TBC1D5: variants seen among roughly 807,000 people sequenced by gnomAD.
TBC1D5 encodes the protein TBC1 domain family member 5.
A neutral mutation model predicts 100.3 loss-of-function variants in TBC1D5; 75 were observed. The ratio of observed to expected loss-of-function variants is 0.75; its 90% confidence interval spans 0.62 to 0.91. TBC1D5 has a LOEUF of 0.91. Ranked by LOEUF, TBC1D5 falls within the 40% of genes least tolerant of loss-of-function variation. TBC1D5 has a pLI of 0.00. For missense variants in TBC1D5, 910 were observed against 942.4 expected (o/e 0.97, Z 0.45); for synonymous variants, 323 against 325.6 (o/e 0.99, Z 0.09).
chr3:17,271,153 G>T (rs75741400), intron 15 of TBC1D5, among the ~76,000 whole-genome samples: 1 of 152,098 alleles, frequency 6.6e-6, no homozygotes, highest in Admixed American at 6.5e-5. Flanking sequence ...TCTGAAAAAT[G>T]GAATTGGGAA....
At chr3:17,299,890 C>G (rs1341154819) in intron 14 of TBC1D5, among the ~76,000 whole-genome samples, 1 of 133,044 alleles carries the variant, frequency 7.5e-6, no homozygotes, top group African/African-American at 2.8e-5. Flanking sequence ...AAAAAAGTAT[C>G]ATTCTGATGT....
At chr3:17,662,331 A>T (rs1187437435) in intron 1 of TBC1D5, among the ~76,000 whole-genome samples, 1 of 152,152 alleles carries the variant, frequency 6.6e-6, no homozygotes, top group South Asian at 2.1e-4. Context: ...TTTATCTCCT[A>T]ATTTTCATGG....
At chr3:17,725,391 T>G (rs2076039057) in intron 1 of TBC1D5, among the ~76,000 whole-genome samples, 1 of 142,838 alleles carries the variant, frequency 7.0e-6, no homozygotes. Flanking sequence ...GAAGAAGTAT[T>G]TTTTTTTTTT....
At chr3:17,625,932 CAT>C (rs375105163) in intron 1 of TBC1D5, among the ~76,000 whole-genome samples, 58 of 152,190 alleles carry the variant, frequency 3.8e-4, no homozygotes, top group Non-Finnish European at 5.2e-4. Flanking sequence ...AACTATTTCA[CAT>C]GAGTTTACGT....
chr3:17,476,737 G>C (rs1014234188), intron 3 of TBC1D5, among the ~76,000 whole-genome samples: 8 of 151,880 alleles, frequency 5.3e-5, no homozygotes, highest in Non-Finnish European at 1.0e-4. Flanking sequence ...ATCATGGTGT[G>C]TCCTCTATAT....
intron 2 of TBC1D5, among the ~76,000 whole-genome samples, chr3:17,598,806 TTG>T (rs1324876303): frequency 6.6e-6 from 1 of 152,224 alleles, no homozygotes; most frequent in Non-Finnish European, 1.5e-5. Flanking sequence ...TTTTCTGCTT[TTG>T]GCTTATCACT....
In TBC1D5 at chr3:17,356,738, A is replaced by G. The variant is rs2091247862; in HGVS notation, c.995+15337T>C. 2.6e-5 allele frequency among the ~76,000 whole-genome samples: 4 copies of G among 152,306 alleles called. No homozygotes were observed. In the South Asian group the frequency reaches 6.2e-4, roughly 24 times the overall value. ...AATCAGAGGCAAAGAGGCCAATCAT[A>G]TGTGGGTCAGAAAATGGCTGGGATC... is the stretch of plus-strand genomic sequence containing the variant. On this transcript the variant is annotated intron_variant, in intron 13 of 21. Coordinates refer to ENST00000253692, the Ensembl canonical transcript of TBC1D5.
At chr3:17,510,580 A>G (rs2095893149) in intron 2 of TBC1D5, among the ~76,000 whole-genome samples, 1 of 152,028 alleles carries the variant, frequency 6.6e-6, no homozygotes, top group Admixed American at 6.6e-5. Flanking sequence ...GGAGAATATA[A>G]TCTAGTAGAG....
At chr3:17,196,124 G>C (rs910108687) in intron 18 of TBC1D5, among the ~76,000 whole-genome samples, 1 of 152,134 alleles carries the variant, frequency 6.6e-6, no homozygotes, top group Non-Finnish European at 1.5e-5. Context: ...AGTGACAAGC[G>C]CCTGCAAGAG....
intron 3 of TBC1D5, among the ~76,000 whole-genome samples, chr3:17,496,960 C>T (rs1172563851): frequency 6.6e-6 from 1 of 152,062 alleles, no homozygotes; most frequent in African/African-American, 2.4e-5. Context: ...CCCCTGTCAC[C>T]CATGGTAGCC....
chr3:17,729,504 G>A (rs1156689484), intron 1 of TBC1D5, among the ~76,000 whole-genome samples: 3 of 151,532 alleles, frequency 2.0e-5, no homozygotes, highest in Non-Finnish European at 1.5e-5. Context: ...TCAGGAGATC[G>A]AGACCATCTT....
chr3:17,486,597 G>A (rs2095571938), intron 3 of TBC1D5, among the ~76,000 whole-genome samples: 1 of 152,134 alleles, frequency 6.6e-6, no homozygotes. Context: ...CAACAAATAA[G>A]CTGGCAAAAA....
rs529240363 is a variant in TBC1D5, at chr3:17,229,575, T to C, written c.1588+8588A>G. ...TTGAGGAAAGCACATAATGGTGCTATCATCACCACTACCTGAGCAGGTAGC... is the reference window on the plus strand; with the variant it reads ...TTGAGGAAAGCACATAATGGTGCTACCATCACCACTACCTGAGCAGGTAGC... On this transcript the variant is annotated intron_variant, in intron 17 of 21. Transcript: ENST00000253692. Among the ~76,000 whole-genome samples the C allele has an allele frequency of 3.4e-3, 521 of 152,308 alleles. 4 individuals carry two copies. Among genetic ancestry groups the C allele is most frequent in the African/African-American group, 0.011 (473 of 41,576 alleles).
intron 1 of TBC1D5, among the ~76,000 whole-genome samples, chr3:17,712,952 CCTA>C (rs1333155349): frequency 6.6e-6 from 1 of 152,096 alleles, no homozygotes; most frequent in East Asian, 1.9e-4. Flanking sequence ...TTTCTGACAG[CCTA>C]CTTTTTATGT....
chr3:17,166,509 G>GC (rs2066612243), intron 21 of TBC1D5, among the ~76,000 whole-genome samples: 1 of 152,184 alleles, frequency 6.6e-6, no homozygotes, highest in Non-Finnish European at 1.5e-5. Context: ...GGAGGCTCAG[G>GC]CAGCACTGCT....
At chr3:17,703,255 T>G (rs552046600) in intron 1 of TBC1D5, among the ~76,000 whole-genome samples, 1 of 152,044 alleles carries the variant, frequency 6.6e-6, no homozygotes, top group South Asian at 2.1e-4. Context: ...TGTACATATG[T>G]TTTTTAGCTG....
chr3:17,606,315 C>T (rs1006002069), intron 2 of TBC1D5, among the ~76,000 whole-genome samples: 2 of 152,018 alleles, frequency 1.3e-5, no homozygotes, highest in Non-Finnish European at 2.9e-5. Context: ...TGGTGGCATG[C>T]GCCTGGGGTT....
chr3:17,325,564 C>T (rs528158489), intron 13 of TBC1D5, among the ~76,000 whole-genome samples: 23 of 152,268 alleles, frequency 1.5e-4, no homozygotes, highest in African/African-American at 5.1e-4. Context: ...CCTTATGATC[C>T]ACCTGCCTTG....
At position 17,706,747 on chromosome 3, in the gene TBC1D5, TTAAA is replaced by T. The variant is rs200513257; in HGVS notation, c.-101+32592_-101+32595del. Among the ~76,000 whole-genome samples, 1,292 of 152,074 alleles carry T rather than the reference TTAAA, an allele frequency of 8.5e-3. 9 individuals are homozygous for T. The highest frequency in any genetic ancestry group is 0.015 in the Non-Finnish European group (1,007 of 67,952). On this transcript the variant is annotated intron_variant, in intron 1 of 21. Transcript: ENST00000253692. ...ATATTTGAGTTTAAATTATATTAAA[TTAAA>T]TATTCTGAATTTAAATTATCTTTGT... is the stretch of plus-strand genomic sequence containing the variant.
Sources: gnomAD v4.1 joint callset for allele counts (sites outside exome capture counted in the v4.1 genomes callset) on GRCh38, gnomAD v4.1.1 for gene constraint, MANE v1.5 for transcripts, NCBI Gene and HGNC (gene_info 2026-07-23, HGNC 2026-07-21) for gene names.